Variants in ADCY3 observed in about 807,000 individuals in gnomAD.
ADCY3 encodes adenylate cyclase 3.
Under a neutral mutation model 119.4 loss-of-function variants are expected in ADCY3, and 70 were observed. That is an observed-to-expected ratio of 0.59 (90% CI 0.48 to 0.72). The LOEUF (loss-of-function observed/expected upper bound fraction) is 0.72, where lower values mean the gene tolerates loss of function less well. Ranked by LOEUF, ADCY3 falls within the 30% of genes least tolerant of loss-of-function variation. The probability of loss-of-function intolerance (pLI) is 0.00; values close to 1 mark genes in which losing one functional copy is unlikely to be tolerated. For synonymous variants in ADCY3, 672 were observed against 621.4 expected (o/e 1.08, Z -1.21); for missense variants, 1,238 against 1,541.6 (o/e 0.80, Z 3.30).
At chr2:24,836,123 T>A (rs866668778) in intron 9 of ADCY3, among the ~76,000 whole-genome samples, 5 of 152,158 alleles carry the variant, frequency 3.3e-5, no homozygotes, top group African/African-American at 9.6e-5. Flanking sequence ...TGGCTGAGGG[T>A]CAGGGCCCGA....
At chr2:24,820,658 A>G in intron 21 of ADCY3, 66 bp downstream of exon 21, 1 of 1,600,312 alleles carries the variant, frequency 6.2e-7, no homozygotes, top group Non-Finnish European at 8.5e-7. Context: ...GCACGTGGGA[A>G]AGCACTGTTC....
At chr2:24,868,556 C>T (rs1362363064) in intron 3 of ADCY3, among the ~76,000 whole-genome samples, 1 of 152,038 alleles carries the variant, frequency 6.6e-6, no homozygotes, top group African/African-American at 2.4e-5. Flanking sequence ...ATACCTTGAA[C>T]TCAGGAGGTA....
At chr2:24,852,618 G>A (rs867833971) in intron 3 of ADCY3, among the ~76,000 whole-genome samples, 2 of 152,262 alleles carry the variant, frequency 1.3e-5, no homozygotes, top group South Asian at 2.1e-4. Flanking sequence ...TGGGCTGAGC[G>A]TGAGAGGCCT....
At chr2:24,887,592 C>T (rs1677194604) in intron 2 of ADCY3, among the ~76,000 whole-genome samples, 1 of 152,002 alleles carries the variant, frequency 6.6e-6, no homozygotes, top group African/African-American at 2.4e-5. Flanking sequence ...GCATCTGGCT[C>T]TGTGGGCCCC....
At chr2:24,821,269 G>C in intron 20 of ADCY3, 1 of 503,418 alleles carries the variant, frequency 2.0e-6, no homozygotes. Context: ...TCTCAGCCAG[G>C]CAGGCCAAGC....
intron 3 of ADCY3, among the ~76,000 whole-genome samples, chr2:24,843,214 G>T (rs1472610482): frequency 1.3e-5 from 2 of 152,308 alleles, no homozygotes; most frequent in African/African-American, 4.8e-5. Context: ...ACCGTGGCCT[G>T]TGGGCCCAAT....
At chr2:24,911,655 A>ACAC (rs1304986859) in intron 2 of ADCY3, among the ~76,000 whole-genome samples, 22 of 141,170 alleles carry the variant, frequency 1.6e-4, no homozygotes, top group Admixed American at 4.9e-4. Flanking sequence ...AAAAAAAAAA[A>ACAC]AAACACACAC....
At position 24,819,817 on chromosome 2, in the gene ADCY3, T is replaced by G; in HGVS notation, c.*115A>C. ...CACGAACAAATGAAGGCTGAGGAGG[T>G]TTCTAAACCTAAAGTCCATGAGTGT... is the stretch of plus-strand genomic sequence containing the variant. On this transcript the variant is annotated 3_prime_UTR_variant, in exon 22 of 22. Coordinates refer to ENST00000679454, the MANE Select transcript of ADCY3 (RefSeq NM_004036.5). The G allele has an allele frequency of 8.8e-7, 1 of 1,135,848 alleles. No individual in the cohort carries two copies. Among genetic ancestry groups the G allele is most frequent in the East Asian group, 2.7e-5 (1 of 37,412 alleles). The allele number at this position is 1,135,848 out of a possible 1,614,324, so 70.4% of individuals were successfully genotyped here.
At chr2:24,882,315 C>T (rs1466135798) in intron 2 of ADCY3, among the ~76,000 whole-genome samples, 3 of 152,196 alleles carry the variant, frequency 2.0e-5, no homozygotes, top group Non-Finnish European at 2.9e-5. Flanking sequence ...CCAGGGATTA[C>T]TCACTTGGAC....
At chr2:24,900,443 T>A (rs1256411253) in intron 2 of ADCY3, among the ~76,000 whole-genome samples, 1 of 151,820 alleles carries the variant, frequency 6.6e-6, no homozygotes, top group Non-Finnish European at 1.5e-5. Flanking sequence ...TTTCCAGAAA[T>A]GGGGGGGCCA....
intron 11 of ADCY3, among the ~76,000 whole-genome samples, chr2:24,832,403 G>A (rs976376739): frequency 3.9e-5 from 6 of 152,072 alleles, no homozygotes; most frequent in Admixed American, 6.5e-5. Context: ...CCTCGCTGCC[G>A]GGGGCTAAGA....
At chr2:24,822,720 C>T (rs1667963718) in intron 18 of ADCY3, 90 bp from the exon 19 acceptor site, 1 of 1,523,450 alleles carries the variant, frequency 6.6e-7, no homozygotes, top group African/African-American at 1.4e-5. Flanking sequence ...ACAAGGACCC[C>T]ACTAAACCCA....
chr2:24,852,212 C>T (rs972907894), intron 3 of ADCY3, among the ~76,000 whole-genome samples: 1 of 152,164 alleles, frequency 6.6e-6, no homozygotes, highest in Admixed American at 6.5e-5. Flanking sequence ...TCGGGGGGAA[C>T]TTGCAACAGC....
chr2:24,846,239 G>A (rs1013777023), intron 3 of ADCY3, among the ~76,000 whole-genome samples: 4 of 152,164 alleles, frequency 2.6e-5, no homozygotes, highest in African/African-American at 4.8e-5. Context: ...TAGATCCACC[G>A]ACACCTTGGC....
intron 3 of ADCY3, among the ~76,000 whole-genome samples, chr2:24,867,611 T>A (rs924996390): frequency 4.6e-5 from 7 of 152,314 alleles, no homozygotes; most frequent in African/African-American, 1.7e-4. Context: ...TGAAGACAGG[T>A]ATCTTTCGAA....
At chr2:24,820,381 T>TA in intron 21 of ADCY3, 4 of 1,315,942 alleles carry the variant, frequency 3.0e-6, no homozygotes, top group Non-Finnish European at 3.9e-6. Flanking sequence ...GCAGCACTGT[T>TA]ACCTGGAAAC....
intron 6 of ADCY3, 104 bp from the exon 7 acceptor site, chr2:24,840,135 A>G (rs1670824357): frequency 6.9e-7 from 1 of 1,441,228 alleles, no homozygotes; most frequent in Non-Finnish European, 9.4e-7. Context: ...CTTCCCCTCC[A>G]CAAGAGGGGG....
At chr2:24,859,512 G>T (rs1673390846) in intron 3 of ADCY3, among the ~76,000 whole-genome samples, 1 of 152,216 alleles carries the variant, frequency 6.6e-6, no homozygotes, top group Admixed American at 6.5e-5. Context: ...GCTCAGGGTT[G>T]ATGACACCTT....
intron 2 of ADCY3, among the ~76,000 whole-genome samples, chr2:24,893,077 A>G (rs1677883891): frequency 6.9e-6 from 1 of 145,138 alleles, no homozygotes; most frequent in Non-Finnish European, 1.5e-5. Flanking sequence ...TCTGTCATGC[A>G]AGCTGCAGTG....
Sources: allele counts gnomAD v4.1 joint callset (sites outside exome capture counted in the v4.1 genomes callset), GRCh38; gene constraint gnomAD v4.1.1; transcripts MANE v1.5; gene names NCBI Gene and HGNC (gene_info 2026-07-23, HGNC 2026-07-21).